PRKCB: variants seen among roughly 807,000 people sequenced by gnomAD.
The protein encoded by PRKCB is protein kinase C beta type.
Under a neutral mutation model 81.5 loss-of-function variants are expected in PRKCB, and 13 were observed. The observed-to-expected ratio is 0.16, with a 90% CI of 0.10 to 0.25. PRKCB has a LOEUF of 0.25. Ranked by LOEUF, PRKCB falls within the 10% of genes least tolerant of loss-of-function variation. The probability of loss-of-function intolerance (pLI) is 1.00; values close to 1 mark genes in which losing one functional copy is unlikely to be tolerated. For synonymous variants in PRKCB, 335 were observed against 321.4 expected, an observed-to-expected ratio of 1.04 and a Z score of -0.45; for missense variants, 509 against 875.7, an observed-to-expected ratio of 0.58 and a Z score of 5.29.
At chr16:24,050,760 T>C (rs543754146) in intron 5 of PRKCB, among the ~76,000 whole-genome samples, 1 of 152,306 alleles carries the variant, frequency 6.6e-6, no homozygotes, top group South Asian at 2.1e-4. Flanking sequence ...AAAAACACTG[T>C]CCTAGACAAC....
intron 3 of PRKCB, among the ~76,000 whole-genome samples, chr16:23,999,249 G>T (rs779600580): frequency 6.6e-6 from 1 of 152,214 alleles, no homozygotes; most frequent in African/African-American, 2.4e-5. Context: ...CAGCAAGTTC[G>T]TGAAGCAGAA....
intron 8 of PRKCB, among the ~76,000 whole-genome samples, chr16:24,120,546 C>T (rs1421030053): frequency 2.0e-5 from 3 of 152,136 alleles, no homozygotes; most frequent in East Asian, 3.9e-4. Context: ...CAAACTTGCT[C>T]CTCCTCCGCT....
chr16:24,112,207 C>T (rs543014652), intron 7 of PRKCB, among the ~76,000 whole-genome samples: 31 of 152,152 alleles, frequency 2.0e-4, no homozygotes, highest in African/African-American at 7.5e-4. Flanking sequence ...CCCTATGCAC[C>T]CTATGTAGGG....
rs114045331 is a variant in PRKCB, at chr16:24,125,744, T to C, written c.1065+1763T>C. 5.2e-3 allele frequency among the ~76,000 whole-genome samples: 785 copies of C among 152,346 alleles called. 8 individuals carry two copies. Among genetic ancestry groups the C allele is most frequent in the African/African-American group, 0.017 (721 of 41,582 alleles). On this transcript the variant is annotated intron_variant, in intron 9 of 16. Coordinates refer to ENST00000643927, the MANE Select transcript of PRKCB (RefSeq NM_002738.7). The stretch of plus-strand genomic sequence containing the variant: ...GGATGGAATTCATTCAGTGCCCAGA[T>C]TGAATGCGTGGATTCTCTCTGTCTG...
intron 2 of PRKCB, among the ~76,000 whole-genome samples, chr16:23,987,649 G>T (rs545903077): frequency 6.6e-6 from 1 of 152,188 alleles, no homozygotes; most frequent in South Asian, 2.1e-4. Flanking sequence ...ATGGCCTTGA[G>T]GTTTCCTGTT....
At chr16:23,847,366 ATC>A (rs1962390643) in intron 2 of PRKCB, among the ~76,000 whole-genome samples, 1 of 13,516 alleles carries the variant, frequency 7.4e-5, no homozygotes, top group Non-Finnish European at 1.5e-4. Flanking sequence ...CTATCTATCT[ATC>A]TATCTATCTG....
At chr16:23,909,994 A>G (rs1321087590) in intron 2 of PRKCB, among the ~76,000 whole-genome samples, 101 of 152,206 alleles carry the variant, frequency 6.6e-4, no homozygotes, top group Non-Finnish European at 1.2e-4. Flanking sequence ...TCTGTAGAGG[A>G]CAAACACGTT....
intron 10 of PRKCB, among the ~76,000 whole-genome samples, chr16:24,165,426 C>G (rs1232319072): frequency 6.6e-6 from 1 of 152,198 alleles, no homozygotes; most frequent in Non-Finnish European, 1.5e-5. Context: ...AAGCCTGAAC[C>G]TTATTCATCG....
intron 2 of PRKCB, among the ~76,000 whole-genome samples, chr16:23,851,956 A>T (rs560156764): frequency 6.6e-6 from 1 of 152,294 alleles, no homozygotes; most frequent in South Asian, 2.1e-4. Flanking sequence ...TACTGATTGT[A>T]TGTTGGTTTT....
At chr16:23,838,324 C>G (rs901616017) in intron 2 of PRKCB, among the ~76,000 whole-genome samples, 2 of 152,192 alleles carry the variant, frequency 1.3e-5, no homozygotes, top group African/African-American at 4.8e-5. Flanking sequence ...TGAGAGCCGT[C>G]GTCGTAGATG....
At chr16:24,024,989 G>C (rs1029688713) in intron 3 of PRKCB, among the ~76,000 whole-genome samples, 3 of 152,264 alleles carry the variant, frequency 2.0e-5, no homozygotes, top group Admixed American at 6.5e-5. Flanking sequence ...AAGGATTGGG[G>C]CAGTGGGTGG....
chr16:23,960,120 C>T (rs1964405316), intron 2 of PRKCB, among the ~76,000 whole-genome samples: 1 of 152,126 alleles, frequency 6.6e-6, no homozygotes, highest in Non-Finnish European at 1.5e-5. Context: ...GATTAATGTC[C>T]CCCAGGGCCC....
intron 2 of PRKCB, among the ~76,000 whole-genome samples, chr16:23,908,907 C>G (rs907347431): frequency 1.3e-5 from 2 of 152,228 alleles, no homozygotes; most frequent in Non-Finnish European, 2.9e-5. Context: ...GAGTGAAGAA[C>G]AGCGTGGTGT....
At chr16:24,035,327 CAGG>C (rs1379818592) in intron 4 of PRKCB, 89 bp from the exon 5 acceptor site, 1 of 1,492,406 alleles carries the variant, frequency 6.7e-7, no homozygotes, top group Non-Finnish European at 9.1e-7. Flanking sequence ...AGGAGGGAAA[CAGG>C]AAGGGCTCAG....
intron 3 of PRKCB, among the ~76,000 whole-genome samples, chr16:24,006,503 T>C (rs1295190515): frequency 1.3e-5 from 2 of 152,200 alleles, no homozygotes; most frequent in Admixed American, 1.3e-4. Context: ...GTTTCTACCA[T>C]GTTGGTGGTT....
intron 5 of PRKCB, among the ~76,000 whole-genome samples, chr16:24,070,424 C>T (rs1966093524): frequency 6.6e-6 from 1 of 152,170 alleles, no homozygotes. Context: ...GCTGGAATTA[C>T]AGGCATGAGC....
Position 24,174,510 on chromosome 16 carries a change from A to G in PRKCB, c.1332-8A>G, listed in dbSNP as rs750626871. On this transcript the variant is annotated splice_polypyrimidine_tract_variant and splice_region_variant and intron_variant, in intron 11 of 16. Coordinates refer to ENST00000643927, the MANE Select transcript of PRKCB (RefSeq NM_002738.7). ...TCTCCATCGCTTTTTTTTTTTTTTT[A>G]ATTTCAGATTTTACGCTGCAGAAAT... 51 of 1,555,608 alleles carry G rather than the reference A, an allele frequency of 3.3e-5. No homozygotes were observed. Among genetic ancestry groups the G allele is most frequent in the Admixed American group, 7.9e-5 (4 of 50,536 alleles).
intron 7 of PRKCB, among the ~76,000 whole-genome samples, chr16:24,109,161 A>T (rs1159054036): frequency 5.6e-4 from 48 of 85,486 alleles, no homozygotes; most frequent in South Asian, 1.1e-3. Context: ...CGGGGGGCTG[A>T]CCCCCCCACC....
At chr16:24,150,617 A>G (rs746673523) in intron 9 of PRKCB, among the ~76,000 whole-genome samples, 2 of 152,214 alleles carry the variant, frequency 1.3e-5, no homozygotes, top group Non-Finnish European at 1.5e-5. Context: ...GTCATTTTTT[A>G]TCATGTGGTT....
Sources: allele counts gnomAD v4.1 joint callset (sites outside exome capture counted in the v4.1 genomes callset), GRCh38; gene constraint gnomAD v4.1.1; transcripts MANE v1.5; gene names NCBI Gene and HGNC (gene_info 2026-07-23, HGNC 2026-07-21).